The following ADAM18 variants were observed in gnomAD, a reference collection of about 807,000 sequenced individuals.
ADAM18 encodes the protein disintegrin and metalloproteinase domain-containing protein 18.
ADAM18 carries 117 observed loss-of-function variants against 94.4 expected under a neutral mutation model. The observed-to-expected ratio is 1.24, with a 90% CI of 1.07 to 1.45. ADAM18 has a LOEUF of 1.45. ADAM18 is among the 40% of genes most tolerant of loss of function. The pLI, the probability that ADAM18 is intolerant of heterozygous loss-of-function variation, is 0.00. For synonymous variants in ADAM18, 327 were observed against 291.6 expected, an observed-to-expected ratio of 1.12 and a Z score of -1.24; for missense variants, 936 against 880.0, an observed-to-expected ratio of 1.06 and a Z score of -0.81.
At chr8:39,628,512 A>T (rs2129579019) in intron 6 of ADAM18, among the ~76,000 whole-genome samples, 1 of 152,168 alleles carries the variant, frequency 6.6e-6, no homozygotes. Context: ...ATGGAAATAT[A>T]AACCAACCTA....
chr8:39,584,727 G>A (rs1167690953), intron 1 of ADAM18, 50 bp downstream of exon 1: 9 of 1,593,158 alleles, frequency 5.6e-6, no homozygotes, highest in Non-Finnish European at 7.7e-6. Flanking sequence ...TAGCTGGGCT[G>A]GGCTCTTACT....
intron 11 of ADAM18, among the ~76,000 whole-genome samples, chr8:39,647,476 G>A (rs1395631984): frequency 6.6e-6 from 1 of 152,138 alleles, no homozygotes; most frequent in Non-Finnish European, 1.5e-5. Context: ...GAGACATTCA[G>A]TTCCCAGGGG....
intron 17 of ADAM18, among the ~76,000 whole-genome samples, chr8:39,703,541 G>C (rs1822147971): frequency 6.6e-6 from 1 of 151,934 alleles, no homozygotes; most frequent in Admixed American, 6.6e-5. Flanking sequence ...GGTGAGAGAG[G>C]GCACCTTAGC....
At chr8:39,600,255 T>C (rs887570781) in intron 2 of ADAM18, among the ~76,000 whole-genome samples, 8 of 152,178 alleles carry the variant, frequency 5.3e-5, no homozygotes, top group African/African-American at 1.7e-4. Flanking sequence ...TCATCATTTG[T>C]TTAAAATTAT....
At chr8:39,625,958 C>G (rs1308067326) in intron 6 of ADAM18, among the ~76,000 whole-genome samples, 2 of 152,106 alleles carry the variant, frequency 1.3e-5, no homozygotes, top group South Asian at 2.1e-4. Flanking sequence ...CGTCTGTGCT[C>G]TCAATACTTT....
intron 2 of ADAM18, among the ~76,000 whole-genome samples, chr8:39,604,333 C>T (rs952403950): frequency 4.6e-5 from 7 of 152,200 alleles, no homozygotes; most frequent in Admixed American, 2.0e-4. Flanking sequence ...CACTCAATCC[C>T]TACTCCTTAT....
At chr8:39,610,760 T>A in intron 6 of ADAM18, 54 bp downstream of exon 6, 1 of 1,533,308 alleles carries the variant, frequency 6.5e-7, no homozygotes. Flanking sequence ...CTGTGTAGTT[T>A]TCTTGTAAAT....
At chr8:39,729,417 T>C (rs971727019) in intron 19 of ADAM18, among the ~76,000 whole-genome samples, 3 of 152,142 alleles carry the variant, frequency 2.0e-5, no homozygotes, top group Non-Finnish European at 4.4e-5. Context: ...AACTATAAAA[T>C]GAAAATTATT....
intron 10 of ADAM18, among the ~76,000 whole-genome samples, chr8:39,644,835 A>AT (rs1473118358): frequency 2.6e-5 from 4 of 152,010 alleles, no homozygotes; most frequent in African/African-American, 7.2e-5. Context: ...GGAGTACTTT[A>AT]TTTTCTTAAA....
intron 18 of ADAM18, among the ~76,000 whole-genome samples, chr8:39,713,990 CAT>C (rs1182921354): frequency 6.6e-6 from 1 of 152,128 alleles, no homozygotes; most frequent in Non-Finnish European, 1.5e-5. Context: ...CACATGCACA[CAT>C]ATGTTTATTG....
chr8:39,674,580 G>T (rs1196521222), intron 14 of ADAM18, among the ~76,000 whole-genome samples: 4 of 152,100 alleles, frequency 2.6e-5, no homozygotes, highest in African/African-American at 4.8e-5. Flanking sequence ...TATCCAATTT[G>T]CCAGTCTGTG....
At chr8:39,667,342 A>C (rs1039879890) in intron 13 of ADAM18, among the ~76,000 whole-genome samples, 2 of 151,144 alleles carry the variant, frequency 1.3e-5, no homozygotes, top group East Asian at 3.9e-4. Context: ...ATGGCAGTTG[A>C]AGTGAACTGA....
chr8:39,688,207 G>T (rs1240513347), intron 16 of ADAM18, among the ~76,000 whole-genome samples: 1 of 152,122 alleles, frequency 6.6e-6, no homozygotes, highest in Non-Finnish European at 1.5e-5. Context: ...GATTAGTGAT[G>T]ATGAACTTTT....
intron 18 of ADAM18, among the ~76,000 whole-genome samples, chr8:39,714,418 C>T (rs1822511944): frequency 6.6e-6 from 1 of 152,050 alleles, no homozygotes; most frequent in Non-Finnish European, 1.5e-5. Context: ...TGCACATGTA[C>T]CCTAGAACTT....
At chr8:39,660,095 A>G (rs1820794792) in intron 12 of ADAM18, among the ~76,000 whole-genome samples, 1 of 152,160 alleles carries the variant, frequency 6.6e-6, no homozygotes, top group South Asian at 2.1e-4. Context: ...GCAAAAAACT[A>G]TGGCAGGTGC....
chr8:39,677,489 T>G lies in ADAM18; in HGVS notation c.1584T>G (p.Ser528=). The change falls in exon 15 of 20, where the codon TCT becomes TCG. Residue 528 remains serine (S), a synonymous_variant. Coordinates refer to ENST00000265707, the MANE Select transcript of ADAM18 (RefSeq NM_014237.3). Reference sequence around the variant, plus strand: ...AAGTTAATTCTCTGCATGAAAGATCTGAAAACTGTGGTTTTAAAAATTCAC... The same window carrying G: ...AAGTTAATTCTCTGCATGAAAGATCGGAAAACTGTGGTTTTAAAAATTCAC... ...FKEVNSLHER[S]ENCGFKNSQP... 3 of 1,610,964 alleles carry G rather than the reference T, an allele frequency of 1.9e-6. No homozygotes were observed. Among genetic ancestry groups the G allele is most frequent in the Non-Finnish European group, 2.5e-6 (3 of 1,179,350 alleles).
At chr8:39,683,912 G>A (rs1821535911) in intron 16 of ADAM18, among the ~76,000 whole-genome samples, 1 of 152,126 alleles carries the variant, frequency 6.6e-6, no homozygotes, top group Admixed American at 6.6e-5. Context: ...CAAGATGGGA[G>A]GATCAGTTGA....
intron 17 of ADAM18, among the ~76,000 whole-genome samples, chr8:39,693,560 A>G (rs1237370254): frequency 1.3e-5 from 2 of 151,240 alleles, no homozygotes; most frequent in Non-Finnish European, 3.0e-5. Context: ...CATATCTGAT[A>G]TGTGTAACTT....
At chr8:39,675,977 G>A (rs1010129004) in intron 14 of ADAM18, among the ~76,000 whole-genome samples, 10 of 152,324 alleles carry the variant, frequency 6.6e-5, no homozygotes, top group African/African-American at 2.2e-4. Flanking sequence ...AGCAAATATT[G>A]CAGAACAGCA....
Sources: gnomAD v4.1 joint callset for allele counts (sites outside exome capture counted in the v4.1 genomes callset) on GRCh38, gnomAD v4.1.1 for gene constraint, MANE v1.5 for transcripts, NCBI Gene and HGNC (gene_info 2026-07-23, HGNC 2026-07-21) for gene names.